Variants in PDCD6IP observed in about 807,000 individuals in gnomAD.
The protein encoded by PDCD6IP is programmed cell death 6 interacting protein, also known as programmed cell death 6-interacting protein.
In PDCD6IP, 43 loss-of-function variants were observed where a neutral mutation model predicts 103.7. The ratio of observed to expected loss-of-function variants is 0.41; its 90% confidence interval spans 0.32 to 0.53. The LOEUF (loss-of-function observed/expected upper bound fraction) is 0.53, where lower values mean the gene tolerates loss of function less well. PDCD6IP is among the 20% of genes least tolerant of loss of function. PDCD6IP has a pLI of 0.16. For synonymous variants in PDCD6IP, 354 were observed against 378.7 expected, an observed-to-expected ratio of 0.93 and a Z score of 0.76; for missense variants, 871 against 1,036.7, an observed-to-expected ratio of 0.84 and a Z score of 2.20.
At chr3:33,864,517 G>T (rs1559800874) in intron 16 of PDCD6IP, among the ~76,000 whole-genome samples, 1 of 152,184 alleles carries the variant, frequency 6.6e-6, no homozygotes, top group Non-Finnish European at 1.5e-5. Context: ...TAGATGAAAA[G>T]AGATGAAAGT....
At chr3:33,860,457 G>A (rs9818269) in intron 15 of PDCD6IP, among the ~76,000 whole-genome samples, 44,443 of 151,980 alleles carry the variant, frequency 0.29, 6,736 homozygotes, top group East Asian at 0.41. Context: ...CACAAACTGC[G>A]TACACCCAGG....
intron 9 of PDCD6IP, among the ~76,000 whole-genome samples, chr3:33,841,455 T>C (rs1391584904): frequency 6.9e-6 from 1 of 145,510 alleles, no homozygotes; most frequent in African/African-American, 2.5e-5. Flanking sequence ...TTTTTTTTTT[T>C]TGAGACGGAG....
At position 33,829,196 on chromosome 3, in the gene PDCD6IP, GTTTAT is replaced by G. The variant is rs1697193397; in HGVS notation, c.834+232_834+236del. ...GCATTCAATTCTCTTTTTTATCCAT[GTTTAT>G]TTTAATGTAAAAATAATTCTAAATT... On this transcript the variant is annotated intron_variant, in intron 7 of 17. Coordinates refer to ENST00000307296, the MANE Select transcript of PDCD6IP (RefSeq NM_013374.6). Among the ~76,000 whole-genome samples the G allele has an allele frequency of 2.6e-5, 4 of 151,812 alleles. No individual in the cohort carries two copies. The South Asian group carries it at 8.3e-4, about 32-fold the overall frequency.
At chr3:33,830,049 C>T (rs752261873) in intron 7 of PDCD6IP, among the ~76,000 whole-genome samples, 1 of 152,168 alleles carries the variant, frequency 6.6e-6, no homozygotes, top group Non-Finnish European at 1.5e-5. Flanking sequence ...CTAATCACCT[C>T]TTATTATGCC....
At chr3:33,851,250 C>T (rs1282111849) in intron 12 of PDCD6IP, among the ~76,000 whole-genome samples, 2 of 151,040 alleles carry the variant, frequency 1.3e-5, no homozygotes, top group Admixed American at 1.3e-4. Flanking sequence ...GTCTTTCCCC[C>T]AGTTTTCTTT....
At chr3:33,847,528 C>T (rs1697621153) in intron 12 of PDCD6IP, among the ~76,000 whole-genome samples, 2 of 152,138 alleles carry the variant, frequency 1.3e-5, no homozygotes, top group East Asian at 1.9e-4. Flanking sequence ...TAGTTGATGA[C>T]GGATTTTAGC....
intron 15 of PDCD6IP, 109 bp from the exon 16 acceptor site, chr3:33,863,893 ATTGT>A (rs1476762110): frequency 1.4e-6 from 1 of 708,946 alleles, no homozygotes; most frequent in African/African-American, 1.8e-5. Flanking sequence ...AAATACCATC[ATTGT>A]TTGGAATCCA....
intron 4 of PDCD6IP, 131 bp from the exon 5 acceptor site, chr3:33,825,056 T>C: frequency 1.3e-6 from 1 of 763,086 alleles, no homozygotes; most frequent in African/African-American, 1.8e-5. Context: ...TTTAGATTGG[T>C]TTTGCATAAT....
At chr3:33,844,005 C>T in intron 10 of PDCD6IP, 107 bp from the exon 11 acceptor site, 2 of 638,598 alleles carry the variant, frequency 3.1e-6, no homozygotes, top group Non-Finnish European at 5.4e-6. Context: ...CCTAGTATTC[C>T]CATCTCACCA....
chr3:33,820,574 A>G (rs1435011111), intron 3 of PDCD6IP, among the ~76,000 whole-genome samples: 5 of 152,100 alleles, frequency 3.3e-5, no homozygotes, highest in African/African-American at 1.2e-4. Flanking sequence ...TCCCCCTACC[A>G]CCATCCCTGA....
At chr3:33,827,810 A>T (rs1451267292) in intron 6 of PDCD6IP, 1 of 152,158 alleles carries the variant, frequency 6.6e-6, no homozygotes, top group Non-Finnish European at 1.5e-5. Flanking sequence ...GCATGAGTGT[A>T]GTTTGAAATT....
At chr3:33,857,681 G>T (rs538432307) in intron 15 of PDCD6IP, among the ~76,000 whole-genome samples, 35 of 152,278 alleles carry the variant, frequency 2.3e-4, no homozygotes, top group African/African-American at 8.2e-4. Context: ...TCAAAGGAAA[G>T]ATCACAGGTT....
chr3:33,852,074 A>G (rs1697726532), intron 12 of PDCD6IP, among the ~76,000 whole-genome samples: 1 of 152,210 alleles, frequency 6.6e-6, no homozygotes, highest in East Asian at 1.9e-4. Flanking sequence ...AGTCAGACTT[A>G]GGTCTCAAAT....
intron 3 of PDCD6IP, among the ~76,000 whole-genome samples, chr3:33,821,184 T>TC (rs1696984019): frequency 6.6e-6 from 1 of 151,310 alleles, no homozygotes; most frequent in African/African-American, 2.4e-5. Flanking sequence ...CAATTTTTTT[T>TC]TTTTTTGTTG....
At chr3:33,837,830 C>T (rs1184271573) in intron 8 of PDCD6IP, among the ~76,000 whole-genome samples, 1 of 152,174 alleles carries the variant, frequency 6.6e-6, no homozygotes, top group Non-Finnish European at 1.5e-5. Context: ...TCAGGTGAGC[C>T]ACCTGCCTCG....
intron 13 of PDCD6IP, among the ~76,000 whole-genome samples, chr3:33,853,136 G>A (rs534655073): frequency 4.7e-4 from 71 of 152,250 alleles, no homozygotes; most frequent in African/African-American, 1.6e-3. Context: ...TGTTAGCCAG[G>A]ATGGTCTCGA....
intron 9 of PDCD6IP, among the ~76,000 whole-genome samples, chr3:33,841,183 A>G (rs539795450): frequency 6.6e-6 from 1 of 151,974 alleles, no homozygotes; most frequent in Admixed American, 6.5e-5. Flanking sequence ...GCTCACCACT[A>G]CGCCTGACTA....
rs1697742714 is a variant in PDCD6IP, at chr3:33,852,634, A to C, written c.1788A>C (p.Glu596Asp). ...TALAQDGVIN[E>D]EALSVTELDR... ...TGGCTCAAGATGGTGTGATAAATGAAGAAGCTCTTTCTGTTACTGAACTAG... is the reference window on the plus strand; with the variant it reads ...TGGCTCAAGATGGTGTGATAAATGACGAAGCTCTTTCTGTTACTGAACTAG... Residue 596 changes from glutamate (E) to aspartate (D), a missense_variant, in exon 13 of 18, where the codon GAA (glutamate) becomes GAC (aspartate). By Grantham distance (45) the Glu-to-Asp change is conservative. Coordinates refer to ENST00000307296, the MANE Select transcript of PDCD6IP (RefSeq NM_013374.6). 4 of 1,601,384 alleles carry C rather than the reference A, an allele frequency of 2.5e-6. No homozygotes were observed. In the Admixed American group the frequency reaches 7.1e-5, roughly 28 times the overall value.
chr3:33,814,719 G>A (rs183126610), intron 3 of PDCD6IP, among the ~76,000 whole-genome samples: 60 of 144,116 alleles, frequency 4.2e-4, no homozygotes, highest in Admixed American at 3.9e-3. Context: ...ATATATGTAA[G>A]TATATAATGT....
Sources: gnomAD v4.1 joint callset for allele counts (sites outside exome capture counted in the v4.1 genomes callset) on GRCh38, gnomAD v4.1.1 for gene constraint, MANE v1.5 for transcripts, NCBI Gene and HGNC (gene_info 2026-07-23, HGNC 2026-07-21) for gene names.